DLGAP2: variants seen among roughly 807,000 people sequenced by gnomAD.
The protein encoded by DLGAP2 is DLG associated protein 2, also known as disks large-associated protein 2.
DLGAP2 carries 26 observed loss-of-function variants against 100.3 expected under a neutral mutation model. That is an observed-to-expected ratio of 0.26 (90% confidence interval 0.19 to 0.36). The LOEUF (loss-of-function observed/expected upper bound fraction) is 0.36, where lower values mean the gene tolerates loss of function less well. Among genes scored for constraint, DLGAP2 ranks in the 10% least tolerant of loss-of-function variants. The probability of loss-of-function intolerance (pLI) is 1.00; values close to 1 mark genes in which losing one functional copy is unlikely to be tolerated. For missense variants in DLGAP2, 1,858 were observed against 1,453.2 expected, an observed-to-expected ratio of 1.28 and a Z score of -4.53; for synonymous variants, 886 against 630.1, an observed-to-expected ratio of 1.41 and a Z score of -6.08.
At chr8:1,320,988 C>T (rs1485720785) in intron 3 of DLGAP2, among the ~76,000 whole-genome samples, 1 of 152,028 alleles carries the variant, frequency 6.6e-6, no homozygotes, top group African/African-American at 2.4e-5. Flanking sequence ...TGTGTGCGTG[C>T]ATCCGTGTGC....
At chr8:1,579,863 CCCCCACCATGCG>C (rs374704283) in intron 6 of DLGAP2, among the ~76,000 whole-genome samples, 183 of 152,268 alleles carry the variant, frequency 1.2e-3, no homozygotes, top group African/African-American at 4.3e-3. Context: ...ACTAAGGAAG[CCCCCACCATGCG>C]CTGCTACCAC....
intron 3 of DLGAP2, among the ~76,000 whole-genome samples, chr8:1,343,651 TA>T (rs1389840333): frequency 6.6e-6 from 1 of 151,916 alleles, no homozygotes; most frequent in Non-Finnish European, 1.5e-5. Context: ...TTTTCCTTGA[TA>T]AAAACAGGGA....
At chr8:1,508,895 G>T (rs1800052098) in intron 4 of DLGAP2, among the ~76,000 whole-genome samples, 1 of 151,984 alleles carries the variant, frequency 6.6e-6, no homozygotes, top group African/African-American at 2.4e-5. Context: ...ATCTAATATT[G>T]CCACATTCTC....
At chr8:1,623,538 C>T (rs568419116) in intron 6 of DLGAP2, among the ~76,000 whole-genome samples, 1 of 148,118 alleles carries the variant, frequency 6.8e-6, no homozygotes, top group Non-Finnish European at 1.5e-5. Context: ...CATGACCTGA[C>T]ACCAGTGCGT....
intron 6 of DLGAP2, among the ~76,000 whole-genome samples, chr8:1,603,829 C>T (rs1021000295): frequency 6.6e-6 from 1 of 152,170 alleles, no homozygotes; most frequent in African/African-American, 2.4e-5. Flanking sequence ...TCATCCTCCC[C>T]ATGCGTCCTG....
intron 2 of DLGAP2, among the ~76,000 whole-genome samples, chr8:1,177,369 C>T (rs145416061): frequency 2.6e-5 from 4 of 152,032 alleles, no homozygotes; most frequent in African/African-American, 9.7e-5. Context: ...TTTACCAGAT[C>T]GAAAAATGTG....
chr8:1,463,422 T>C (rs34448250), intron 3 of DLGAP2, among the ~76,000 whole-genome samples: 3,470 of 152,290 alleles, frequency 0.023, 57 homozygotes, highest in Non-Finnish European at 0.036. Context: ...CATGGCTATG[T>C]AGTGTGTCCA....
At chr8:1,085,133 A>G (rs1211585881) in intron 2 of DLGAP2, among the ~76,000 whole-genome samples, 1 of 152,240 alleles carries the variant, frequency 6.6e-6, no homozygotes, top group Non-Finnish European at 1.5e-5. Context: ...GCTTTCCTAC[A>G]TGTGCCTGTT....
At chr8:1,276,155 C>T (rs934396811) in intron 3 of DLGAP2, among the ~76,000 whole-genome samples, 13 of 147,418 alleles carry the variant, frequency 8.8e-5, no homozygotes, top group South Asian at 6.3e-4. Flanking sequence ...CATCCTGCCA[C>T]GGAGAGACTC....
Position 1,422,771 on chromosome 8 carries a change from G to A in DLGAP2, c.107-78595G>A, listed in dbSNP as rs189399382. ...TGGGGGTGGGGGAATGTGTCCTTTC[G>A]TTAGCAGGGGAAAGGCTGAGGGCAT... is the stretch of plus-strand genomic sequence containing the variant. On this transcript the variant is annotated intron_variant, in intron 3 of 14. Coordinates refer to ENST00000637795, the MANE Select transcript of DLGAP2 (RefSeq NM_001346810.2). Among the ~76,000 whole-genome samples, 57 of 152,156 alleles carry A rather than the reference G, an allele frequency of 3.7e-4. 2 individuals carry two copies. In the South Asian group the frequency reaches 9.2e-3, roughly 24 times the overall value.
intron 3 of DLGAP2, among the ~76,000 whole-genome samples, chr8:1,420,934 C>T (rs1436619145): frequency 2.0e-5 from 3 of 152,094 alleles, no homozygotes; most frequent in Non-Finnish European, 2.9e-5. Flanking sequence ...TTTAATCATT[C>T]GATTGGCTGT....
At chr8:1,351,296 T>C (rs369183233) in intron 3 of DLGAP2, among the ~76,000 whole-genome samples, 3 of 75,528 alleles carry the variant, frequency 4.0e-5, no homozygotes, top group East Asian at 5.3e-4. Context: ...GGAAAGGCCG[T>C]GCGGGTCCTG....
At chr8:1,193,869 C>T (rs1281492091) in intron 2 of DLGAP2, among the ~76,000 whole-genome samples, 1 of 152,100 alleles carries the variant, frequency 6.6e-6, no homozygotes, top group Non-Finnish European at 1.5e-5. Flanking sequence ...TCTAGAGCCT[C>T]CGCACCGCGC....
chr8:1,431,932 C>T (rs1049222107), intron 3 of DLGAP2, among the ~76,000 whole-genome samples: 1 of 150,698 alleles, frequency 6.6e-6, no homozygotes, highest in African/African-American at 2.4e-5. Context: ...CCTGCCGGCA[C>T]CCAGCACCCC....
chr8:1,671,963 C>T (rs1477372425), intron 10 of DLGAP2, among the ~76,000 whole-genome samples: 1 of 152,226 alleles, frequency 6.6e-6, no homozygotes. Context: ...GGCCTGACCT[C>T]GCTTTTCTTC....
chr8:1,598,992 C>T (rs1416432250), intron 6 of DLGAP2, among the ~76,000 whole-genome samples: 1 of 152,074 alleles, frequency 6.6e-6, no homozygotes, highest in African/African-American at 2.4e-5. Flanking sequence ...CCACTTTCTC[C>T]TGTGGGCATT....
chr8:1,641,934 TC>T, intron 8 of DLGAP2, among the ~76,000 whole-genome samples: 2 of 119,754 alleles, frequency 1.7e-5, no homozygotes, highest in East Asian at 4.7e-4. Flanking sequence ...TGTGTCACCC[TC>T]GACCCCGCCG....
At chr8:1,679,979 C>CAAAAAAAAAA (rs760100523) in intron 12 of DLGAP2, among the ~76,000 whole-genome samples, 2 of 63,518 alleles carry the variant, frequency 3.1e-5, no homozygotes, top group East Asian at 5.4e-4. Flanking sequence ...GACTCTGTCT[C>CAAAAAAAAAA]AAAAAAAAAA....
At chr8:1,520,997 G>A (rs2108119) in intron 4 of DLGAP2, among the ~76,000 whole-genome samples, 5,691 of 152,282 alleles carry the variant, frequency 0.037, 120 homozygotes, top group African/African-American at 0.05. Flanking sequence ...CTGAGGCTCC[G>A]CGTCCTGGCC....
Sources: gnomAD v4.1 joint callset for allele counts (sites outside exome capture counted in the v4.1 genomes callset) on GRCh38, gnomAD v4.1.1 for gene constraint, MANE v1.5 for transcripts, NCBI Gene and HGNC (gene_info 2026-07-23, HGNC 2026-07-21) for gene names.